Variants in VIPR2 observed in about 807,000 individuals in gnomAD.
VIPR2 encodes vasoactive intestinal polypeptide receptor 2.
In VIPR2, 48 loss-of-function variants were observed where a neutral mutation model predicts 58.0. The observed-to-expected ratio is 0.83, with a 90% CI of 0.66 to 1.05. The LOEUF (loss-of-function observed/expected upper bound fraction) is 1.05, where lower values mean the gene tolerates loss of function less well. VIPR2 is among the 50% of genes least tolerant of loss of function. The pLI, the probability that VIPR2 is intolerant of heterozygous loss-of-function variation, is 0.00. For missense variants in VIPR2, 534 were observed against 558.0 expected (o/e 0.96, Z 0.43); for synonymous variants, 243 against 235.2 (o/e 1.03, Z -0.30).
intron 2 of VIPR2, among the ~76,000 whole-genome samples, chr7:159,120,281 G>C (rs1461369073): frequency 6.6e-6 from 1 of 152,324 alleles, no homozygotes; most frequent in Admixed American, 6.5e-5. Flanking sequence ...TTCTACCAGG[G>C]AGAAGAGCAG....
intron 1 of VIPR2, chr7:159,144,478 G>T: frequency 1.9e-6 from 3 of 1,540,252 alleles, no homozygotes; most frequent in Non-Finnish European, 2.6e-6. Context: ...CGGACGGTGG[G>T]GCGCGGGGAA....
intron 6 of VIPR2, among the ~76,000 whole-genome samples, chr7:159,038,562 A>C (rs1326131389): frequency 6.6e-6 from 1 of 152,180 alleles, no homozygotes; most frequent in Non-Finnish European, 1.5e-5. Context: ...TCATTTGAAA[A>C]GTAAAGTGAA....
rs1423673742 is a variant in VIPR2, at chr7:159,128,258, C to T, written c.151+14188G>A. Among the ~76,000 whole-genome samples the T allele has an allele frequency of 6.6e-6, 1 of 152,136 alleles. No individual in the cohort carries two copies. Among genetic ancestry groups the T allele is most frequent in the Admixed American group, 6.5e-5 (1 of 15,278 alleles). ...CAGCTGCTGGGCCCTGGGATGTCTG[C>T]CCCATCCATACCTTGGGACCCAGCT... is the stretch of plus-strand genomic sequence containing the variant. On this transcript the variant is annotated intron_variant, in intron 2 of 12. Transcript: ENST00000262178. This position sits in a 1 kb window ranked among gnomAD's most constrained non-coding sequence, Gnocchi z 4.1.
rs1857801769 is a variant in VIPR2, at chr7:159,095,820, T to C, written c.357+7937A>G. ...CTTCAAAACTCTTCCTTCTCTCTTT[T>C]TTTTTTAAGTCTTTAACAGACCTCC... On this transcript the variant is annotated intron_variant, in intron 4 of 12. Transcript: ENST00000262178. This position sits in a 1 kb window ranked among gnomAD's most constrained non-coding sequence, Gnocchi z 5.2. Among the ~76,000 whole-genome samples, 1 of 152,148 alleles carries C rather than the reference T, an allele frequency of 6.6e-6. No homozygotes were observed. Among genetic ancestry groups the C allele is most frequent in the African/African-American group, 2.4e-5 (1 of 41,430 alleles).
chr7:159,112,249 A>AT (rs1796042418), intron 2 of VIPR2, among the ~76,000 whole-genome samples: 1 of 152,142 alleles, frequency 6.6e-6, no homozygotes. Context: ...TTGTTCCTTT[A>AT]TTGGACCGCA....
chr7:159,122,555 G>A (rs927605010), intron 2 of VIPR2, among the ~76,000 whole-genome samples: 2 of 152,190 alleles, frequency 1.3e-5, no homozygotes, highest in East Asian at 1.9e-4. Context: ...GGGTGGGTCC[G>A]GAGGGTGCTG....
chr7:159,140,307 C>T (rs1032015985), intron 2 of VIPR2, among the ~76,000 whole-genome samples: 2 of 152,208 alleles, frequency 1.3e-5, no homozygotes, highest in African/African-American at 4.8e-5. Flanking sequence ...CGTGGAGTCA[C>T]TCAGCCCATC....
chr7:159,047,008 G>C (rs748517553), intron 5 of VIPR2, among the ~76,000 whole-genome samples: 1 of 152,188 alleles, frequency 6.6e-6, no homozygotes, highest in African/African-American at 2.4e-5. Context: ...GCCGAGGCAC[G>C]TGGATCACCT....
intron 5 of VIPR2, among the ~76,000 whole-genome samples, chr7:159,055,030 C>T (rs1452311366): frequency 6.6e-6 from 1 of 152,188 alleles, no homozygotes; most frequent in Non-Finnish European, 1.5e-5. Flanking sequence ...AAGAATATAA[C>T]AGCAGCATTA....
intron 2 of VIPR2, among the ~76,000 whole-genome samples, chr7:159,124,465 G>C (rs1160031647): frequency 1.3e-5 from 2 of 152,100 alleles, no homozygotes. Flanking sequence ...TAGGTGTGCA[G>C]CCTTATTTCT....
rs930319549 is a variant in VIPR2 at position 159,098,892 on chromosome 7, C to T, written c.357+4865G>A. Among the ~76,000 whole-genome samples the T allele has an allele frequency of 6.6e-6, 1 of 152,234 alleles. No homozygotes were observed. Among genetic ancestry groups the T allele is most frequent in the Non-Finnish European group, 1.5e-5 (1 of 68,040 alleles). On this transcript the variant is annotated intron_variant, in intron 4 of 12. Coordinates refer to ENST00000262178, the MANE Select transcript of VIPR2 (RefSeq NM_003382.5). This position sits in a 1 kb window ranked among gnomAD's most constrained non-coding sequence, Gnocchi z 5.2. ...AGCAAGTGGGCCTGATGGGACGAAG[C>T]GTGAGCTCCGGGCAGGAGAAACTCT...
chr7:159,033,475 T>C (rs1382291631), intron 10 of VIPR2, among the ~76,000 whole-genome samples: 1 of 152,150 alleles, frequency 6.6e-6, no homozygotes, highest in Non-Finnish European at 1.5e-5. Context: ...TGAATTTTGG[T>C]TTTTACCTTT....
intron 5 of VIPR2, among the ~76,000 whole-genome samples, chr7:159,046,835 G>A (rs1345194077): frequency 2.0e-5 from 3 of 152,132 alleles, no homozygotes; most frequent in Non-Finnish European, 4.4e-5. Context: ...TATTTCATTT[G>A]TTAGAGAAAT....
Position 159,111,998 on chromosome 7 carries a change from G to A in VIPR2, c.152-2079C>T, listed in dbSNP as rs116638256. Among the ~76,000 whole-genome samples the A allele has an allele frequency of 3.5e-3, 533 of 152,288 alleles. 3 individuals carry two copies. Among genetic ancestry groups the A allele is most frequent in the African/African-American group, 0.012 (504 of 41,560 alleles). ...CGCACTCCAGCCCGGGCGACAGAGCGAGACCTCGTCTCAATAAATAAACAA... is the reference window on the plus strand; with the variant it reads ...CGCACTCCAGCCCGGGCGACAGAGCAAGACCTCGTCTCAATAAATAAACAA... On this transcript the variant is annotated intron_variant, in intron 2 of 12. Coordinates refer to ENST00000262178, the MANE Select transcript of VIPR2 (RefSeq NM_003382.5).
intron 1 of VIPR2, 37 bp downstream of exon 1, chr7:159,144,684 C>G (rs1797619371): frequency 1.5e-6 from 2 of 1,338,258 alleles, no homozygotes; most frequent in East Asian, 6.2e-5. Context: ...GAACCGGGTC[C>G]GAGGCGCCGT....
chr7:159,033,098 C>T lies in VIPR2; in HGVS notation c.972-1031G>A, dbSNP rs146816400. 6.6e-5 allele frequency among the ~76,000 whole-genome samples: 10 copies of T among 152,240 alleles called. No homozygotes were observed. The East Asian group carries it at 9.7e-4, about 15-fold the overall frequency. ...ACTCTGGTGCCAGGCAGCAAATATC[C>T]GGCAAATATAGACTGCATTGATCCT... On this transcript the variant is annotated intron_variant, in intron 10 of 12. Transcript: ENST00000262178.
intron 2 of VIPR2, among the ~76,000 whole-genome samples, chr7:159,110,590 C>CTT (rs10624146): frequency 1 from 152,194 of 152,350 alleles, 76,019 homozygotes; most frequent in Middle Eastern, 1. Flanking sequence ...AAACCCAGGA[C>CTT]TTTCCTACTT....
chr7:159,066,115 G>A (rs1457093220), intron 4 of VIPR2, among the ~76,000 whole-genome samples: 2 of 152,118 alleles, frequency 1.3e-5, no homozygotes, highest in Admixed American at 6.5e-5. Context: ...TGGGATTCCA[G>A]GATGCCTGAT....
rs1021554590 is a variant in VIPR2 at position 159,029,407 on chromosome 7, A to G, written c.*1209T>C. On this transcript the variant is annotated 3_prime_UTR_variant, in exon 13 of 13. Coordinates refer to ENST00000262178, the MANE Select transcript of VIPR2 (RefSeq NM_003382.5). ...CCCAGACACCCTCCCCACATCTGCA[A>G]ACCACCCTTCGCCTGAAGGAGCAGC... The G allele has an allele frequency of 2.0e-5, 3 of 152,256 alleles. No homozygotes were observed. The highest frequency in any genetic ancestry group is 4.4e-5 in the Non-Finnish European group (3 of 68,082). 9.4% of individuals were successfully genotyped at this position (152,256 alleles called of 1,614,324 possible).
Sources: allele counts gnomAD v4.1 joint callset (sites outside exome capture counted in the v4.1 genomes callset), GRCh38; gene constraint gnomAD v4.1.1; non-coding constraint Gnocchi (gnomAD v3.1); transcripts MANE v1.5; gene names NCBI Gene and HGNC (gene_info 2026-07-23, HGNC 2026-07-21).